FBXL17: variants seen among roughly 807,000 people sequenced by gnomAD.
FBXL17 encodes the protein F-box and leucine rich repeat protein 17.
In FBXL17, 22 loss-of-function variants were observed where a neutral mutation model predicts 66.2. The ratio of observed to expected loss-of-function variants is 0.33; its 90% CI spans 0.24 to 0.47. The LOEUF is 0.47. Among genes scored for constraint, FBXL17 ranks in the 20% least tolerant of loss-of-function variants. The pLI, the probability that FBXL17 is intolerant of heterozygous loss-of-function variation, is 1.00. For synonymous variants in FBXL17, 474 were observed against 400.5 expected, an observed-to-expected ratio of 1.18 and a Z score of -2.19; for missense variants, 878 against 948.2, an observed-to-expected ratio of 0.93 and a Z score of 0.97.
intron 4 of FBXL17, among the ~76,000 whole-genome samples, chr5:108,292,960 G>A (rs367909823): frequency 1.5e-4 from 23 of 151,970 alleles, no homozygotes; most frequent in African/African-American, 4.1e-4. Flanking sequence ...GCATGCTGGC[G>A]GGTGCCTGTA....
At chr5:107,928,002 C>A (rs919776264) in intron 7 of FBXL17, among the ~76,000 whole-genome samples, 1 of 152,026 alleles carries the variant, frequency 6.6e-6, no homozygotes, top group Non-Finnish European at 1.5e-5. Flanking sequence ...CATTTCTCAC[C>A]ATCTGAAAAC....
chr5:108,367,202 T>C (rs1234918614), intron 2 of FBXL17, among the ~76,000 whole-genome samples: 1 of 152,100 alleles, frequency 6.6e-6, no homozygotes, highest in Non-Finnish European at 1.5e-5. Flanking sequence ...GTTTTAAAAA[T>C]GGAATCTAAC....
chr5:107,935,844 A>G (rs1265254166), intron 7 of FBXL17, among the ~76,000 whole-genome samples: 1 of 152,134 alleles, frequency 6.6e-6, no homozygotes, highest in Non-Finnish European at 1.5e-5. Context: ...CAAAGATTGT[A>G]TCACCATAGC....
intron 4 of FBXL17, among the ~76,000 whole-genome samples, chr5:108,261,098 T>G (rs2150125730): frequency 6.6e-6 from 1 of 152,058 alleles, no homozygotes; most frequent in South Asian, 2.1e-4. Flanking sequence ...AACAGTAGGA[T>G]AAATACAGTT....
intron 7 of FBXL17, among the ~76,000 whole-genome samples, chr5:107,903,001 A>G (rs926297436): frequency 1.2e-4 from 18 of 152,298 alleles, no homozygotes; most frequent in African/African-American, 4.3e-4. Flanking sequence ...TTAGTCATTT[A>G]TAAGACTGAA....
intron 7 of FBXL17, among the ~76,000 whole-genome samples, chr5:108,016,782 CTTTCT>C (rs777028489): frequency 2.7e-5 from 4 of 146,454 alleles, no homozygotes; most frequent in African/African-American, 7.4e-5. Flanking sequence ...TTCTTTCTTT[CTTTCT>C]TTTTTTTTTG....
chr5:107,884,580 G>A (rs1401832925), intron 7 of FBXL17, among the ~76,000 whole-genome samples: 3 of 152,172 alleles, frequency 2.0e-5, no homozygotes, highest in Non-Finnish European at 4.4e-5. Context: ...TATACAGCAC[G>A]TAATTTGCCT....
chr5:108,118,950 C>A, intron 6 of FBXL17, among the ~76,000 whole-genome samples: 1 of 152,208 alleles, frequency 6.6e-6, no homozygotes, highest in East Asian at 1.9e-4. Context: ...GACGCCACCT[C>A]CTCTGGGAAG....
At chr5:108,027,696 A>C (rs1430671195) in intron 6 of FBXL17, among the ~76,000 whole-genome samples, 1 of 152,086 alleles carries the variant, frequency 6.6e-6, no homozygotes, top group Non-Finnish European at 1.5e-5. Context: ...GGAGCAGCAA[A>C]GTCATATTAC....
chr5:107,961,257 C>G (rs1201328418), intron 7 of FBXL17, among the ~76,000 whole-genome samples: 3 of 151,172 alleles, frequency 2.0e-5, no homozygotes, highest in African/African-American at 7.3e-5. Context: ...CAGGGTCTTG[C>G]TCTGTTGCCC....
chr5:108,050,627 C>T (rs1034459539), intron 6 of FBXL17, among the ~76,000 whole-genome samples: 2 of 152,060 alleles, frequency 1.3e-5, no homozygotes, highest in Admixed American at 1.3e-4. Context: ...GACACCCTAA[C>T]ATCACAATTA....
At chr5:108,096,922 T>C (rs147013476) in intron 6 of FBXL17, among the ~76,000 whole-genome samples, 1 of 152,184 alleles carries the variant, frequency 6.6e-6, no homozygotes, top group African/African-American at 2.4e-5. Context: ...GTGGTACACA[T>C]GTAAAGGCAC....
chr5:108,216,655 G>T (rs1376478090), intron 5 of FBXL17, among the ~76,000 whole-genome samples: 1 of 152,122 alleles, frequency 6.6e-6, no homozygotes, highest in African/African-American at 2.4e-5. Context: ...TATACTGAAA[G>T]GAGTTAGTTA....
chr5:108,311,848 G>C (rs10061044), intron 4 of FBXL17, among the ~76,000 whole-genome samples: 30,660 of 152,142 alleles, frequency 0.2, 3,757 homozygotes, highest in Non-Finnish European at 0.27. Context: ...GAGAAGAAGA[G>C]AGATAATGGC....
intron 4 of FBXL17, among the ~76,000 whole-genome samples, chr5:108,296,287 G>T (rs1451353139): frequency 1.3e-5 from 2 of 151,706 alleles, no homozygotes; most frequent in Non-Finnish European, 3.0e-5. Flanking sequence ...AGGGGAATCA[G>T]GATATGATTC....
chr5:108,240,817 G>A (rs918034145), intron 4 of FBXL17, among the ~76,000 whole-genome samples: 1 of 152,188 alleles, frequency 6.6e-6, no homozygotes, highest in African/African-American at 2.4e-5. Context: ...TGGTCACAGG[G>A]TGCTTGTGTC....
At chr5:108,145,744 C>T (rs1336329016) in intron 6 of FBXL17, among the ~76,000 whole-genome samples, 1 of 151,386 alleles carries the variant, frequency 6.6e-6, no homozygotes. Context: ...AGGTCAGTTC[C>T]CAAAGGACAT....
intron 4 of FBXL17, among the ~76,000 whole-genome samples, chr5:108,226,287 CTAGAATAATCCCTGGCACT>C (rs1755097498): frequency 6.6e-6 from 1 of 152,188 alleles, no homozygotes; most frequent in Non-Finnish European, 1.5e-5. Context: ...CCATCGGCAC[CTAGAATAATCCCTGGCACT>C]TAGTAGAAAA....
intron 3 of FBXL17, among the ~76,000 whole-genome samples, chr5:108,357,721 CG>C (rs201248630): frequency 0.02 from 2,700 of 136,188 alleles, 75 homozygotes; most frequent in African/African-American, 0.062. Context: ...TTAAATAACA[CG>C]TTTTTTTTTT....
Sources: gnomAD v4.1 joint callset for allele counts (sites outside exome capture counted in the v4.1 genomes callset) on GRCh38, gnomAD v4.1.1 for gene constraint, MANE v1.5 for transcripts, NCBI Gene and HGNC (gene_info 2026-07-23, HGNC 2026-07-21) for gene names.